CTNND2: variants seen among roughly 807,000 people sequenced by gnomAD.
The protein encoded by CTNND2 is catenin delta 2.
In CTNND2, 22 loss-of-function variants were observed where a neutral mutation model predicts 144.4. The ratio of observed to expected loss-of-function variants is 0.15; its 90% CI spans 0.11 to 0.22. CTNND2 has a LOEUF of 0.22. CTNND2 is among the 10% of genes least tolerant of loss of function. The pLI, the probability that CTNND2 is intolerant of heterozygous loss-of-function variation, is 1.00. For missense variants in CTNND2, 1,353 were observed against 1,618.8 expected, an observed-to-expected ratio of 0.84 and a Z score of 2.82; for synonymous variants, 751 against 695.6, an observed-to-expected ratio of 1.08 and a Z score of -1.25.
chr5:11,314,838 AT>A (rs1751334843), intron 9 of CTNND2, among the ~76,000 whole-genome samples: 1 of 146,254 alleles, frequency 6.8e-6, no homozygotes, highest in Non-Finnish European at 1.5e-5. Context: ...TTGGGGAGGT[AT>A]GGGGTAGCCA....
At chr5:11,577,607 T>C (rs932228183) in intron 2 of CTNND2, among the ~76,000 whole-genome samples, 1 of 152,156 alleles carries the variant, frequency 6.6e-6, no homozygotes, top group Non-Finnish European at 1.5e-5. Flanking sequence ...AAATACTGAA[T>C]GTGTGTGGTT....
At chr5:11,241,127 C>T (rs62338525) in intron 9 of CTNND2, among the ~76,000 whole-genome samples, 14,748 of 151,360 alleles carry the variant, frequency 0.097, 907 homozygotes, top group South Asian at 0.18. Context: ...ACATCCAACA[C>T]GCTCAAACAC....
rs562909090 is a variant in CTNND2 at position 11,537,209 on chromosome 5, A to G, written c.287+27735T>C. The stretch of plus-strand genomic sequence containing the variant: ...GATTTTCAGTTTTGTTTTAGGTATT[A>G]ATTAATTTGACAAATTTGGGAAAGG... On this transcript the variant is annotated intron_variant, in intron 3 of 21. Transcript: ENST00000304623. Among the ~76,000 whole-genome samples, 4 of 152,238 alleles carry G rather than the reference A, an allele frequency of 2.6e-5. No homozygotes were observed. The South Asian group carries it at 8.3e-4, about 32-fold the overall frequency.
At chr5:11,395,679 T>C (rs1760037762) in intron 6 of CTNND2, among the ~76,000 whole-genome samples, 2 of 152,232 alleles carry the variant, frequency 1.3e-5, no homozygotes, top group Admixed American at 6.5e-5. Context: ...TTCCTATCAT[T>C]CAGCATTGTG....
At chr5:11,066,347 C>G (rs62337248) in intron 16 of CTNND2, among the ~76,000 whole-genome samples, 28,515 of 152,226 alleles carry the variant, frequency 0.19, 3,158 homozygotes, top group Non-Finnish European at 0.26. Context: ...CTTCCACAAT[C>G]TTTTAACTTA....
In CTNND2 at chr5:11,655,474, T is replaced by C. The variant is rs938503401; in HGVS notation, c.174+76662A>G. On this transcript the variant is annotated intron_variant, in intron 2 of 21. Transcript: ENST00000304623. ...TCTCCACAACATGGATATCTCACAA[T>C]TGGCATTCGTAAAGTAAAAGAACAG... is the stretch of plus-strand genomic sequence containing the variant. Among the ~76,000 whole-genome samples, 8 of 152,084 alleles carry C rather than the reference T, an allele frequency of 5.3e-5. No individual in the cohort carries two copies. The South Asian group carries it at 1.2e-3, about 24-fold the overall frequency.
chr5:11,212,476 T>C (rs1738740148), intron 10 of CTNND2, among the ~76,000 whole-genome samples: 1 of 152,138 alleles, frequency 6.6e-6, no homozygotes, highest in Non-Finnish European at 1.5e-5. Context: ...GCACATATGG[T>C]AGGGTTCAGG....
intron 1 of CTNND2, among the ~76,000 whole-genome samples, chr5:11,808,971 T>C (rs1454495827): frequency 1.3e-5 from 2 of 152,176 alleles, no homozygotes; most frequent in African/African-American, 4.8e-5. Flanking sequence ...GCTGTGAGAA[T>C]TATCATCGCT....
chr5:11,271,930 T>C (rs939031944), intron 9 of CTNND2, among the ~76,000 whole-genome samples: 18 of 152,118 alleles, frequency 1.2e-4, no homozygotes, highest in African/African-American at 4.3e-4. Flanking sequence ...TCCCAAACTG[T>C]TTTGGGAATT....
At chr5:11,725,884 T>C (rs1786989956) in intron 2 of CTNND2, among the ~76,000 whole-genome samples, 1 of 152,212 alleles carries the variant, frequency 6.6e-6, no homozygotes, top group Non-Finnish European at 1.5e-5. Context: ...ATTCCTACTA[T>C]ATCTGGTTCC....
chr5:11,610,038 T>C (rs1780238942), intron 2 of CTNND2, among the ~76,000 whole-genome samples: 1 of 152,238 alleles, frequency 6.6e-6, no homozygotes, highest in South Asian at 2.1e-4. Flanking sequence ...TGTTGATTTA[T>C]GACAACAATA....
intron 9 of CTNND2, among the ~76,000 whole-genome samples, chr5:11,341,129 T>C (rs1033036888): frequency 6.6e-6 from 1 of 152,134 alleles, no homozygotes; most frequent in African/African-American, 2.4e-5. Context: ...CATGGAACAA[T>C]GGCAGCTAGC....
intron 3 of CTNND2, among the ~76,000 whole-genome samples, chr5:11,456,580 G>T (rs567615230): frequency 6.6e-6 from 1 of 152,084 alleles, no homozygotes; most frequent in Admixed American, 6.5e-5. Flanking sequence ...CCTCAAACAT[G>T]TTCTGTTATT....
chr5:11,476,686 T>C (rs1053614030), intron 3 of CTNND2, among the ~76,000 whole-genome samples: 1 of 152,164 alleles, frequency 6.6e-6, no homozygotes, highest in African/African-American at 2.4e-5. Context: ...AAGAAACATA[T>C]ACTAAATGTT....
chr5:11,554,023 C>A (rs1299051315), intron 3 of CTNND2, among the ~76,000 whole-genome samples: 1 of 152,046 alleles, frequency 6.6e-6, no homozygotes, highest in Non-Finnish European at 1.5e-5. Flanking sequence ...CTTTCTAAGG[C>A]CCTACATCAA....
rs1561076073 is a variant in CTNND2, at chr5:11,240,525, CACACACACCCAACACACACACCCA to C, written c.1629-3726_1629-3703del. On this transcript the variant is annotated intron_variant, in intron 9 of 21. Coordinates refer to ENST00000304623, the MANE Select transcript of CTNND2 (RefSeq NM_001332.4). ...ACACACCCAACACACACACACCCAA[CACACACACCCAACACACACACCCA>C]ACACACACACTCAAAACACACACCC... is the stretch of plus-strand genomic sequence containing the variant. Among the ~76,000 whole-genome samples the C allele has an allele frequency of 7.7e-3, 876 of 113,370 alleles. 16 individuals carry two copies. Among genetic ancestry groups the C allele is most frequent in the African/African-American group, 0.022 (680 of 30,608 alleles). 74.4% of individuals were successfully genotyped at this position (113,370 alleles called of 152,430 possible). A position where few individuals can be genotyped will look rare whatever the true frequency, so the allele number is the denominator to read the frequency against.
intron 13 of CTNND2, among the ~76,000 whole-genome samples, chr5:11,112,089 T>A (rs905678582): frequency 6.6e-6 from 1 of 152,156 alleles, no homozygotes; most frequent in African/African-American, 2.4e-5. Flanking sequence ...GACTTTGTGA[T>A]CCACTTGCTT....
chr5:11,855,077 C>T (rs911105683), intron 1 of CTNND2, among the ~76,000 whole-genome samples: 16 of 152,112 alleles, frequency 1.1e-4, no homozygotes, highest in Admixed American at 7.9e-4. Context: ...CCTTAAAGAG[C>T]GACGGTTACT....
At chr5:11,477,786 G>C (rs1180510131) in intron 3 of CTNND2, among the ~76,000 whole-genome samples, 1 of 152,092 alleles carries the variant, frequency 6.6e-6, no homozygotes, top group East Asian at 1.9e-4. Flanking sequence ...TAATCTATGA[G>C]GGATTCCTTT....
Sources: gnomAD v4.1 joint callset for allele counts (sites outside exome capture counted in the v4.1 genomes callset) on GRCh38, gnomAD v4.1.1 for gene constraint, MANE v1.5 for transcripts, NCBI Gene and HGNC (gene_info 2026-07-23, HGNC 2026-07-21) for gene names.